NTRK2: variants seen among roughly 807,000 people sequenced by gnomAD.
The protein encoded by NTRK2 is neurotrophic receptor tyrosine kinase 2, also known as BDNF/NT-3 growth factors receptor.
NTRK2 carries 13 observed loss-of-function variants against 94.5 expected under a neutral mutation model. The observed-to-expected ratio is 0.14, with a 90% CI of 0.09 to 0.22. NTRK2 has a LOEUF of 0.22. Ranked by LOEUF, NTRK2 falls within the 10% of genes least tolerant of loss-of-function variation. NTRK2 has a pLI of 1.00. For missense variants in NTRK2, 639 were observed against 1,071.2 expected (o/e 0.60, Z 5.63); for synonymous variants, 372 against 407.4 (o/e 0.91, Z 1.05).
intron 14 of NTRK2, among the ~76,000 whole-genome samples, chr9:84,906,346 A>G (rs141745562): frequency 6.6e-5 from 10 of 152,174 alleles, no homozygotes; most frequent in Admixed American, 2.6e-4. Context: ...ATGGGATCCA[A>G]TGACAGAGAG....
At chr9:84,761,254 C>G (rs866271560) in intron 12 of NTRK2, among the ~76,000 whole-genome samples, 2 of 152,124 alleles carry the variant, frequency 1.3e-5, no homozygotes, top group African/African-American at 4.8e-5. Context: ...GAAGAGTCAT[C>G]TCTGTCTTCA....
chr9:84,728,096 T>C (rs952968589), intron 9 of NTRK2, 137 bp downstream of exon 9: 2 of 797,730 alleles, frequency 2.5e-6, no homozygotes, highest in East Asian at 2.7e-5. Flanking sequence ...CATGGATCCA[T>C]AGGTCAGCGG....
intron 14 of NTRK2, among the ~76,000 whole-genome samples, chr9:84,911,478 G>A (rs2077233810): frequency 6.6e-6 from 1 of 152,002 alleles, no homozygotes; most frequent in South Asian, 2.1e-4. Flanking sequence ...ATTCAAATTA[G>A]GTATTTCATA....
At chr9:84,937,815 G>A (rs766358048) in intron 15 of NTRK2, among the ~76,000 whole-genome samples, 18 of 152,196 alleles carry the variant, frequency 1.2e-4, no homozygotes, top group Non-Finnish European at 1.9e-4. Context: ...GGATGCATTA[G>A]CTATTTTTGG....
chr9:84,836,634 C>T (rs1259251449), intron 12 of NTRK2, among the ~76,000 whole-genome samples: 1 of 144,790 alleles, frequency 6.9e-6, no homozygotes, highest in East Asian at 2.0e-4. Flanking sequence ...AGTTTCTTGT[C>T]CAAAACTCAT....
rs576948166 is a variant in NTRK2 at position 84,778,818 on chromosome 9, G to C, written c.1396+26733G>C. On this transcript the variant is annotated intron_variant, in intron 12 of 18. Transcript: ENST00000277120. ...CACCGTGCAATGTCCCTATCTTCTG[G>C]TGTGTCCGTGCCTGTCATGTGGAGT... Among the ~76,000 whole-genome samples, 186 of 152,306 alleles carry C rather than the reference G, an allele frequency of 1.2e-3. 1 individual carries two copies. Among genetic ancestry groups the C allele is most frequent in the African/African-American group, 4.3e-3 (178 of 41,560 alleles).
At chr9:84,791,328 G>A (rs2068707689) in intron 12 of NTRK2, among the ~76,000 whole-genome samples, 1 of 151,986 alleles carries the variant, frequency 6.6e-6, no homozygotes, top group Non-Finnish European at 1.5e-5. Flanking sequence ...ATAATTGCAG[G>A]TATATATAAT....
chr9:84,800,327 C>G (rs995079408), intron 12 of NTRK2, among the ~76,000 whole-genome samples: 1 of 152,086 alleles, frequency 6.6e-6, no homozygotes, highest in South Asian at 2.1e-4. Context: ...CCTCAGTCTC[C>G]GGAGTAGCTG....
At chr9:85,020,152 C>G in intron 17 of NTRK2, 54 bp from the exon 18 acceptor site, 1 of 1,602,552 alleles carries the variant, frequency 6.2e-7, no homozygotes, top group East Asian at 2.2e-5. Flanking sequence ...CAGCTCCCTT[C>G]CACACCTGGT....
intron 12 of NTRK2, among the ~76,000 whole-genome samples, chr9:84,820,386 T>A (rs2072725346): frequency 6.6e-6 from 1 of 152,080 alleles, no homozygotes; most frequent in Non-Finnish European, 1.5e-5. Context: ...GCCAGGCTGA[T>A]CTTGAACTCC....
chr9:84,951,813 C>G (rs1225646608), intron 16 of NTRK2, among the ~76,000 whole-genome samples: 1 of 152,182 alleles, frequency 6.6e-6, no homozygotes, highest in African/African-American at 2.4e-5. Flanking sequence ...CGCAAGGGAG[C>G]TGGGCACTTA....
chr9:84,789,548 C>T (rs2068507817), intron 12 of NTRK2, among the ~76,000 whole-genome samples: 1 of 152,182 alleles, frequency 6.6e-6, no homozygotes, highest in Non-Finnish European at 1.5e-5. Flanking sequence ...GAGTCCAAGG[C>T]TGCCTAGGAC....
chr9:84,996,122 A>C (rs1329217890), intron 17 of NTRK2, among the ~76,000 whole-genome samples: 1 of 152,360 alleles, frequency 6.6e-6, no homozygotes, highest in East Asian at 1.9e-4. Context: ...TGAACATATG[A>C]GGCTGCTGTA....
At chr9:84,962,120 C>T (rs1001938430) in intron 17 of NTRK2, among the ~76,000 whole-genome samples, 1 of 152,150 alleles carries the variant, frequency 6.6e-6, no homozygotes, top group African/African-American at 2.4e-5. Context: ...AGAGATTCTA[C>T]ACTGGAAAAT....
intron 5 of NTRK2, among the ~76,000 whole-genome samples, chr9:84,708,771 T>C (rs2061258469): frequency 6.6e-6 from 1 of 152,244 alleles, no homozygotes; most frequent in Non-Finnish European, 1.5e-5. Context: ...ATGTCACTGC[T>C]GGAGAGACAA....
chr9:84,876,219 G>C, intron 14 of NTRK2: 2 of 1,041,824 alleles, frequency 1.9e-6, no homozygotes, highest in Non-Finnish European at 2.3e-6. Flanking sequence ...GGTTGATATA[G>C]AGAGGACAGG....
intron 12 of NTRK2, among the ~76,000 whole-genome samples, chr9:84,844,359 T>C (rs1364627264): frequency 2.6e-5 from 4 of 152,164 alleles, no homozygotes; most frequent in African/African-American, 9.7e-5. Flanking sequence ...GCTTTATATT[T>C]ATAAACATAT....
chr9:84,983,585 CT>C (rs1827920812), intron 17 of NTRK2, among the ~76,000 whole-genome samples: 1 of 152,106 alleles, frequency 6.6e-6, no homozygotes. Context: ...CAAAAGTGCT[CT>C]TCAATTCTAA....
At chr9:84,708,960 C>T (rs1236742178) in intron 5 of NTRK2, among the ~76,000 whole-genome samples, 1 of 152,206 alleles carries the variant, frequency 6.6e-6, no homozygotes, top group Non-Finnish European at 1.5e-5. Flanking sequence ...TTTTGGGCAA[C>T]ATTGTGTAAA....
Sources: gnomAD v4.1 joint callset for allele counts (sites outside exome capture counted in the v4.1 genomes callset) on GRCh38, gnomAD v4.1.1 for gene constraint, MANE v1.5 for transcripts, NCBI Gene and HGNC (gene_info 2026-07-23, HGNC 2026-07-21) for gene names.